Variants in SLC44A3 observed in about 807,000 individuals in gnomAD.
SLC44A3 encodes choline transporter-like protein 3.
SLC44A3 carries 74 observed loss-of-function variants against 75.4 expected under a neutral mutation model. The observed-to-expected ratio is 0.98, with a 90% confidence interval of 0.81 to 1.19. SLC44A3 has a LOEUF of 1.19. Among genes scored for constraint, SLC44A3 ranks in the 50% most tolerant of loss-of-function variants. The pLI is 0.00. For synonymous variants in SLC44A3, 310 were observed against 296.9 expected (o/e 1.04, Z -0.45); for missense variants, 700 against 778.6 (o/e 0.90, Z 1.20).
chr1:94,830,753 G>T (rs1662018820), intron 5 of SLC44A3, among the ~76,000 whole-genome samples: 1 of 152,110 alleles, frequency 6.6e-6, no homozygotes, highest in Non-Finnish European at 1.5e-5. Context: ...AAAGAGAATG[G>T]AATTTTTAAG....
At chr1:94,865,989 CT>C (rs1667125542) in intron 11 of SLC44A3, among the ~76,000 whole-genome samples, 1 of 152,094 alleles carries the variant, frequency 6.6e-6, no homozygotes, top group South Asian at 2.1e-4. Context: ...GCAGTTGCCC[CT>C]GATTGTAGAA....
intron 7 of SLC44A3, 64 bp from the exon 8 acceptor site, chr1:94,841,936 G>C: frequency 6.5e-7 from 1 of 1,529,024 alleles, no homozygotes; most frequent in Non-Finnish European, 8.8e-7. Flanking sequence ...GTGTGATTCT[G>C]TGTGCTGGGG....
At chr1:94,870,288 T>TGGTGATACAGA (rs1227870301) in intron 12 of SLC44A3, among the ~76,000 whole-genome samples, 4 of 152,228 alleles carry the variant, frequency 2.6e-5, no homozygotes, top group Non-Finnish European at 5.9e-5. Flanking sequence ...ACCAGGACCA[T>TGGTGATACAGA]GGTGATACAG....
intron 10 of SLC44A3, among the ~76,000 whole-genome samples, chr1:94,862,974 C>G (rs557957951): frequency 6.6e-6 from 1 of 152,198 alleles, no homozygotes; most frequent in East Asian, 1.9e-4. Flanking sequence ...GCCCCACACA[C>G]AGCAGGGGAG....
At chr1:94,862,943 G>C (rs1208637014) in intron 10 of SLC44A3, among the ~76,000 whole-genome samples, 1 of 152,214 alleles carries the variant, frequency 6.6e-6, no homozygotes, top group Admixed American at 6.5e-5. Flanking sequence ...GGTTGTGAGG[G>C]AGACAGAGCT....
chr1:94,895,215 C>T lies in SLC44A3; in HGVS notation c.*293C>T. The stretch of plus-strand genomic sequence containing the variant: ...GAACTGAGGTAAGTTTGTAAGTGCA[C>T]AACTAATAAATAAACCTTTTTAAGA... On this transcript the variant is annotated 3_prime_UTR_variant, in exon 15 of 15. Transcript: ENST00000271227. The T allele has an allele frequency of 4.0e-6, 1 of 248,254 alleles. No individual in the cohort carries two copies. Among genetic ancestry groups the T allele is most frequent in the Non-Finnish European group, 7.8e-6 (1 of 128,552 alleles). The allele number at this position is 248,254 out of a possible 1,614,324, so 15.4% of individuals were successfully genotyped here.
At chr1:94,892,242 GAT>G (rs762160978) in intron 13 of SLC44A3, 37 bp from the exon 14 acceptor site, 2 of 1,573,564 alleles carry the variant, frequency 1.3e-6, no homozygotes, top group Non-Finnish European at 1.7e-6. Context: ...CTAAGCAACT[GAT>G]TCATAAAGAT....
intron 12 of SLC44A3, among the ~76,000 whole-genome samples, chr1:94,889,702 G>C (rs1041137232): frequency 3.9e-5 from 6 of 152,040 alleles, no homozygotes; most frequent in South Asian, 2.1e-4. Context: ...ACACATGCAC[G>C]TACACATGCA....
intron 5 of SLC44A3, among the ~76,000 whole-genome samples, chr1:94,832,428 C>T (rs1662251377): frequency 6.6e-6 from 1 of 151,874 alleles, no homozygotes; most frequent in African/African-American, 2.4e-5. Context: ...AAGTATAAAC[C>T]TATAAATATA....
At chr1:94,830,857 G>T (rs1332032917) in intron 5 of SLC44A3, among the ~76,000 whole-genome samples, 1 of 152,190 alleles carries the variant, frequency 6.6e-6, no homozygotes, top group Non-Finnish European at 1.5e-5. Context: ...TGATACTTAT[G>T]ATGATAATGG....
At chr1:94,835,649 T>C (rs552792141) in intron 5 of SLC44A3, among the ~76,000 whole-genome samples, 2 of 152,380 alleles carry the variant, frequency 1.3e-5, no homozygotes, top group South Asian at 4.1e-4. Flanking sequence ...AAGAATAATC[T>C]AACCACTTTT....
At chr1:94,865,532 G>A (rs1201612007) in intron 11 of SLC44A3, among the ~76,000 whole-genome samples, 1 of 152,164 alleles carries the variant, frequency 6.6e-6, no homozygotes, top group Non-Finnish European at 1.5e-5. Flanking sequence ...TTTGTGCCTG[G>A]GGGATTTCTC....
intron 5 of SLC44A3, among the ~76,000 whole-genome samples, chr1:94,831,456 T>C (rs1662118538): frequency 6.6e-6 from 1 of 152,232 alleles, no homozygotes; most frequent in African/African-American, 2.4e-5. Context: ...ACTAAACTGA[T>C]TGTTTCTTCC....
At chr1:94,892,594 A>C (rs1670339695) in intron 14 of SLC44A3, 77 bp downstream of exon 14, 11 of 1,371,484 alleles carry the variant, frequency 8.0e-6, no homozygotes, top group Non-Finnish European at 1.0e-5. Context: ...CACACACGAA[A>C]GAGGCTCATA....
intron 12 of SLC44A3, among the ~76,000 whole-genome samples, chr1:94,882,604 C>T (rs1451420813): frequency 2.6e-5 from 4 of 152,140 alleles, no homozygotes; most frequent in Admixed American, 1.3e-4. Flanking sequence ...GGTGACACTT[C>T]GACACGGTCC....
intron 2 of SLC44A3, 115 bp from the exon 3 acceptor site, chr1:94,824,378 T>A: frequency 7.8e-7 from 1 of 1,289,278 alleles, no homozygotes; most frequent in Non-Finnish European, 1.0e-6. Context: ...AGCGCTATGA[T>A]GCTGGAGAGC....
intron 12 of SLC44A3, among the ~76,000 whole-genome samples, chr1:94,870,265 G>A (rs1207535762): frequency 2.0e-5 from 3 of 152,188 alleles, no homozygotes; most frequent in African/African-American, 7.2e-5. Flanking sequence ...ATTTCTACCT[G>A]GGCATAATAG....
At chr1:94,861,502 C>T (rs1666567375) in intron 10 of SLC44A3, among the ~76,000 whole-genome samples, 2 of 152,188 alleles carry the variant, frequency 1.3e-5, no homozygotes, top group Admixed American at 6.5e-5. Context: ...AGACACTTTA[C>T]ATATTACTTT....
At chr1:94,829,551 G>A (rs1008254148) in intron 5 of SLC44A3, among the ~76,000 whole-genome samples, 6 of 152,222 alleles carry the variant, frequency 3.9e-5, no homozygotes, top group African/African-American at 7.2e-5. Context: ...AAGTTGTAAT[G>A]ATGGAACGGT....
Sources: gnomAD v4.1 joint callset for allele counts (sites outside exome capture counted in the v4.1 genomes callset) on GRCh38, gnomAD v4.1.1 for gene constraint, MANE v1.5 for transcripts, NCBI Gene and HGNC (gene_info 2026-07-23, HGNC 2026-07-21) for gene names.